ROR2: variants seen among roughly 807,000 people sequenced by gnomAD.
The protein encoded by ROR2 is ROR family WNT receptor 2.
Under a neutral mutation model 74.9 loss-of-function variants are expected in ROR2, and 33 were observed. The observed-to-expected ratio is 0.44, with a 90% CI of 0.33 to 0.59. ROR2 has a LOEUF of 0.59. Ranked by LOEUF, ROR2 falls within the 20% of genes least tolerant of loss-of-function variation. The pLI is 0.02. For missense variants in ROR2, 1,216 were observed against 1,313.8 expected, an observed-to-expected ratio of 0.93 and a Z score of 1.15; for synonymous variants, 586 against 558.7, an observed-to-expected ratio of 1.05 and a Z score of -0.69.
At position 91,949,854 on chromosome 9, in the gene ROR2, C is replaced by G; in HGVS notation, c.97+13G>C. 6.6e-7 allele frequency: 1 copy of G among 1,506,828 alleles called. No individual in the cohort carries two copies. The highest frequency in any genetic ancestry group is 9.0e-7 in the Non-Finnish European group (1 of 1,109,678). The allele number at this position is 1,506,828 out of a possible 1,614,324, so 93.3% of individuals were successfully genotyped here. A position where few individuals can be genotyped will look rare whatever the true frequency, so the allele number is the denominator to read the frequency against. On this transcript the variant is annotated intron_variant, in intron 1 of 8. Coordinates refer to ENST00000375708, the MANE Select transcript of ROR2 (RefSeq NM_004560.4). Reference sequence around the variant, plus strand: ...GCTACCGTCTGCGCACAAGCCGGAACGCCAGATCCTACCTGAAGTCCGGGA... The same window carrying G: ...GCTACCGTCTGCGCACAAGCCGGAAGGCCAGATCCTACCTGAAGTCCGGGA...
At chr9:91,940,936 C>T (rs2075810709) in intron 1 of ROR2, among the ~76,000 whole-genome samples, 1 of 150,980 alleles carries the variant, frequency 6.6e-6, no homozygotes, top group Non-Finnish European at 1.5e-5. Context: ...ATGTGCTAAA[C>T]TCCATTGTTC....
intron 1 of ROR2, chr9:91,948,819 C>A: frequency 5.1e-6 from 5 of 985,500 alleles, no homozygotes; most frequent in Non-Finnish European, 4.8e-6. Flanking sequence ...CTCTGGCGCT[C>A]CTGGGCCTGA....
chr9:91,840,788 G>A (rs763942185), intron 1 of ROR2, among the ~76,000 whole-genome samples: 7 of 152,196 alleles, frequency 4.6e-5, no homozygotes, highest in East Asian at 1.9e-4. Flanking sequence ...TCCCCTCTGC[G>A]TGTCCAAATG....
At chr9:91,888,210 C>T (rs1830337889) in intron 1 of ROR2, among the ~76,000 whole-genome samples, 2 of 152,178 alleles carry the variant, frequency 1.3e-5, no homozygotes, top group South Asian at 4.1e-4. Flanking sequence ...GTGATTTTAA[C>T]TGTGTTTCCC....
intron 1 of ROR2, among the ~76,000 whole-genome samples, chr9:91,917,326 C>T (rs76753161): frequency 0.032 from 4,861 of 152,266 alleles, 129 homozygotes; most frequent in Non-Finnish European, 0.047. Context: ...CAAACCCAGA[C>T]ACGTGCGAGA....
chr9:91,880,464 A>T (rs897428849), intron 1 of ROR2, among the ~76,000 whole-genome samples: 2 of 152,248 alleles, frequency 1.3e-5, no homozygotes, highest in African/African-American at 4.8e-5. Flanking sequence ...TGGATAAAAC[A>T]GTAGTGCTGT....
chr9:91,910,053 G>A (rs966576099), intron 1 of ROR2, among the ~76,000 whole-genome samples: 12 of 150,410 alleles, frequency 8.0e-5, no homozygotes, highest in African/African-American at 2.9e-4. Flanking sequence ...GTAGAGATGG[G>A]GTTTTGCCAT....
At chr9:91,745,125 TTA>T (rs201127588) in intron 4 of ROR2, among the ~76,000 whole-genome samples, 14 of 151,022 alleles carry the variant, frequency 9.3e-5, no homozygotes, top group East Asian at 3.9e-4. Context: ...ATTAATTATA[TTA>T]TATATATATA....
At chr9:91,948,103 T>C (rs1246008955) in intron 1 of ROR2, among the ~76,000 whole-genome samples, 1 of 152,176 alleles carries the variant, frequency 6.6e-6, no homozygotes, top group East Asian at 1.9e-4. Flanking sequence ...TTAAATTCCT[T>C]CACCCAAAAC....
At chr9:91,802,689 A>T (rs1371232073) in intron 1 of ROR2, among the ~76,000 whole-genome samples, 1 of 152,180 alleles carries the variant, frequency 6.6e-6, no homozygotes, top group Non-Finnish European at 1.5e-5. Context: ...CCTTCTGCCC[A>T]AGGGAAACGG....
intron 1 of ROR2, among the ~76,000 whole-genome samples, chr9:91,795,765 G>C (rs2119024697): frequency 6.6e-6 from 1 of 152,228 alleles, no homozygotes. Flanking sequence ...TGTTTCTCCA[G>C]GCTAAAGGGA....
At chr9:91,783,455 C>T (rs1021194571) in intron 1 of ROR2, among the ~76,000 whole-genome samples, 5 of 152,272 alleles carry the variant, frequency 3.3e-5, no homozygotes, top group Middle Eastern at 3.4e-3. Flanking sequence ...CTCGCATGCC[C>T]AGGAACTGCC....
At chr9:91,833,824 T>C (rs1828539444) in intron 1 of ROR2, among the ~76,000 whole-genome samples, 1 of 152,052 alleles carries the variant, frequency 6.6e-6, no homozygotes, top group Non-Finnish European at 1.5e-5. Context: ...AAGACTCAGC[T>C]TGAAGGGATA....
At chr9:91,858,933 G>T (rs1367478152) in intron 1 of ROR2, among the ~76,000 whole-genome samples, 2 of 152,142 alleles carry the variant, frequency 1.3e-5, no homozygotes, top group Non-Finnish European at 2.9e-5. Context: ...GGGCTCTATT[G>T]CCCACCTCCT....
At chr9:91,875,963 C>G (rs1587810796) in intron 1 of ROR2, among the ~76,000 whole-genome samples, 2 of 152,096 alleles carry the variant, frequency 1.3e-5, no homozygotes. Context: ...ACATGGAAAC[C>G]CAAATGGCCA....
At chr9:91,762,564 A>G (rs2118874697) in intron 2 of ROR2, among the ~76,000 whole-genome samples, 1 of 152,372 alleles carries the variant, frequency 6.6e-6, no homozygotes, top group Middle Eastern at 3.4e-3. Context: ...AAGATTTGAC[A>G]TTAATTTTCC....
At chr9:91,796,705 G>A (rs557400369) in intron 1 of ROR2, among the ~76,000 whole-genome samples, 2 of 152,008 alleles carry the variant, frequency 1.3e-5, no homozygotes, top group Non-Finnish European at 2.9e-5. Flanking sequence ...TGATACACTG[G>A]GACTAGTAGG....
At chr9:91,750,591 AG>A in intron 4 of ROR2, among the ~76,000 whole-genome samples, 3 of 152,354 alleles carry the variant, frequency 2.0e-5, no homozygotes, top group Admixed American at 2.0e-4. Flanking sequence ...GCACACAAAT[AG>A]GAAAAACGTG....
At chr9:91,820,629 A>T (rs923549986) in intron 1 of ROR2, among the ~76,000 whole-genome samples, 2 of 152,150 alleles carry the variant, frequency 1.3e-5, no homozygotes, top group African/African-American at 4.8e-5. Context: ...GTTATTACAT[A>T]GCCAAGTGCT....
Sources: gnomAD v4.1 joint callset for allele counts (sites outside exome capture counted in the v4.1 genomes callset) on GRCh38, gnomAD v4.1.1 for gene constraint, MANE v1.5 for transcripts, NCBI Gene and HGNC (gene_info 2026-07-23, HGNC 2026-07-21) for gene names.